The following NTNG1 variants were observed in gnomAD, a reference collection of about 807,000 sequenced individuals.
NTNG1 encodes the protein netrin G1.
Under a neutral mutation model 54.0 loss-of-function variants are expected in NTNG1, and 16 were observed. The ratio of observed to expected loss-of-function variants is 0.30; its 90% confidence interval spans 0.20 to 0.45. The LOEUF is 0.45. Among genes scored for constraint, NTNG1 ranks in the 20% least tolerant of loss-of-function variants. The probability of loss-of-function intolerance (pLI) is 1.00; values close to 1 mark genes in which losing one functional copy is unlikely to be tolerated. For synonymous variants in NTNG1, 255 were observed against 263.1 expected (o/e 0.97, Z 0.30); for missense variants, 530 against 678.7 (o/e 0.78, Z 2.43).
At chr1:107,364,668 T>C (rs1670488625) in intron 3 of NTNG1, among the ~76,000 whole-genome samples, 1 of 152,204 alleles carries the variant, frequency 6.6e-6, no homozygotes, top group East Asian at 1.9e-4. Flanking sequence ...CTCCATCATT[T>C]TTTTCCTCCT....
chr1:107,426,303 G>A (rs1276258467), intron 5 of NTNG1, among the ~76,000 whole-genome samples: 1 of 151,980 alleles, frequency 6.6e-6, no homozygotes, highest in Non-Finnish European at 1.5e-5. Flanking sequence ...TATGGTTTCA[G>A]GTCTTATATG....
chr1:107,202,376 C>T (rs1658822463), intron 2 of NTNG1, among the ~76,000 whole-genome samples: 1 of 151,762 alleles, frequency 6.6e-6, no homozygotes, highest in South Asian at 2.1e-4. Flanking sequence ...TGTAAAGAAT[C>T]AGTCAGTTAA....
intron 2 of NTNG1, among the ~76,000 whole-genome samples, chr1:107,260,032 A>G (rs1189814119): frequency 6.6e-6 from 1 of 150,654 alleles, no homozygotes; most frequent in Non-Finnish European, 1.5e-5. Flanking sequence ...TTGAATGCAA[A>G]TTATAGGTTA....
intron 2 of NTNG1, among the ~76,000 whole-genome samples, chr1:107,248,929 A>C (rs1662379167): frequency 6.6e-6 from 1 of 151,552 alleles, no homozygotes; most frequent in Admixed American, 6.6e-5. Context: ...CAGGCGGATC[A>C]TCTGAGGTCA....
chr1:107,170,663 A>G (rs576245017), intron 2 of NTNG1, among the ~76,000 whole-genome samples: 2 of 152,212 alleles, frequency 1.3e-5, no homozygotes, highest in East Asian at 3.9e-4. Context: ...TTTGGTATTT[A>G]TATGTTTTGT....
intron 6 of NTNG1, among the ~76,000 whole-genome samples, chr1:107,436,050 G>C (rs181566133): frequency 5.9e-5 from 9 of 152,160 alleles, no homozygotes; most frequent in African/African-American, 2.2e-4. Context: ...AAATTATTTG[G>C]GGTTACAAAG....
At chr1:107,140,201 T>A (rs1224619333), upstream of NTNG1, 3 of 152,626 alleles carry the variant, frequency 2.0e-5, no homozygotes, top group Non-Finnish European at 2.9e-5. Flanking sequence ...GGTCTCGAGG[T>A]AGTATAAGGT....
chr1:107,324,224 G>A, intron 2 of NTNG1, 58 bp from the exon 3 acceptor site: 1 of 1,531,280 alleles, frequency 6.5e-7, no homozygotes, highest in East Asian at 2.3e-5. Context: ...ACAGCAATAT[G>A]GCAAGACTTG....
intron 5 of NTNG1, among the ~76,000 whole-genome samples, chr1:107,415,299 C>A (rs1018154328): frequency 2.0e-5 from 3 of 152,136 alleles, no homozygotes; most frequent in Admixed American, 6.6e-5. Context: ...ATAGTCAAGG[C>A]ATGTAGGGAT....
At chr1:107,462,628 A>T (rs964759032) in intron 7 of NTNG1, among the ~76,000 whole-genome samples, 2 of 152,192 alleles carry the variant, frequency 1.3e-5, no homozygotes, top group Admixed American at 6.5e-5. Flanking sequence ...TTAATTTCCC[A>T]AACAGGAAGC....
At chr1:107,367,873 C>T (rs1654450665) in intron 3 of NTNG1, among the ~76,000 whole-genome samples, 1 of 151,926 alleles carries the variant, frequency 6.6e-6, no homozygotes, top group Non-Finnish European at 1.5e-5. Context: ...GCGATTCTCC[C>T]ACCTCAGCCT....
intron 2 of NTNG1, among the ~76,000 whole-genome samples, chr1:107,290,393 T>C (rs964663690): frequency 2.6e-5 from 4 of 152,112 alleles, no homozygotes; most frequent in African/African-American, 9.7e-5. Context: ...GATAGAAAGG[T>C]TCCTGAAGTG....
chr1:107,374,426 AT>A (rs1486571002), intron 3 of NTNG1, among the ~76,000 whole-genome samples: 2 of 151,834 alleles, frequency 1.3e-5, no homozygotes, highest in African/African-American at 2.4e-5. Flanking sequence ...ATTTTTAAAA[AT>A]TTTTTTTATC....
In NTNG1 at chr1:107,421,207, A is replaced by G. The variant is rs1484960314; in HGVS notation, c.1088-9543A>G. The G allele has an allele frequency of 2.6e-6, 3 of 1,134,418 alleles. No homozygotes were observed. The East Asian group carries it at 7.3e-5, about 27-fold the overall frequency. 70.3% of individuals were successfully genotyped at this position (1,134,418 alleles called of 1,614,324 possible). On this transcript the variant is annotated intron_variant, in intron 5 of 7. Transcript: ENST00000370068. ...TATGTGTTGTGAAACATTGCACTGT[A>G]TGAATCTGGAATATCTGTGAAGTGT...
At chr1:107,441,102 A>G (rs1558002370) in intron 7 of NTNG1, among the ~76,000 whole-genome samples, 2 of 152,166 alleles carry the variant, frequency 1.3e-5, no homozygotes, top group Non-Finnish European at 2.9e-5. Context: ...GTTCCAGAGA[A>G]TAAAATTGAG....
chr1:107,299,547 T>G (rs1332081364), intron 2 of NTNG1, among the ~76,000 whole-genome samples: 2 of 152,174 alleles, frequency 1.3e-5, no homozygotes, highest in Non-Finnish European at 2.9e-5. Context: ...ATGGACCCTG[T>G]AGGGTAAGTA....
chr1:107,206,645 A>T (rs980282396), intron 2 of NTNG1, among the ~76,000 whole-genome samples: 2 of 152,214 alleles, frequency 1.3e-5, no homozygotes, highest in Non-Finnish European at 2.9e-5. Context: ...AGCTGCACTT[A>T]GGAGCCACCA....
chr1:107,158,746 C>T (rs4915017), intron 2 of NTNG1, among the ~76,000 whole-genome samples: 17,713 of 151,852 alleles, frequency 0.12, 1,294 homozygotes, highest in South Asian at 0.16. Flanking sequence ...TATAGTGATT[C>T]GTATGAAGGA....
chr1:107,475,074 G>A (rs924140200), intron 7 of NTNG1, among the ~76,000 whole-genome samples: 2 of 152,282 alleles, frequency 1.3e-5, no homozygotes, highest in South Asian at 4.1e-4. Flanking sequence ...AAAACCCTAG[G>A]ATGAGTAACA....
Sources: allele counts gnomAD v4.1 joint callset (sites outside exome capture counted in the v4.1 genomes callset), GRCh38; gene constraint gnomAD v4.1.1; transcripts MANE v1.5; gene names NCBI Gene and HGNC (gene_info 2026-07-23, HGNC 2026-07-21).